Variants in SLC22A16 observed in about 807,000 individuals in gnomAD.
The protein encoded by SLC22A16 is solute carrier family 22 member 16, also known as WUGSC:RG331P03.1.
Under a neutral mutation model 52.9 loss-of-function variants are expected in SLC22A16, and 53 were observed. The ratio of observed to expected loss-of-function variants is 1.00; its 90% CI spans 0.80 to 1.26. The LOEUF is 1.26. Among genes scored for constraint, SLC22A16 ranks in the 50% most tolerant of loss-of-function variants. The pLI is 0.00. For missense variants in SLC22A16, 726 were observed against 704.0 expected, an observed-to-expected ratio of 1.03 and a Z score of -0.35; for synonymous variants, 291 against 268.8, an observed-to-expected ratio of 1.08 and a Z score of -0.81.
intron 6 of SLC22A16, among the ~76,000 whole-genome samples, chr6:110,433,029 T>C (rs558961279): frequency 1.6e-4 from 24 of 152,326 alleles, no homozygotes; most frequent in Non-Finnish European, 2.5e-4. Flanking sequence ...CCTAATCTTG[T>C]GTGAATTCCA....
intron 3 of SLC22A16, among the ~76,000 whole-genome samples, chr6:110,443,805 A>G (rs1256820852): frequency 6.6e-6 from 1 of 152,250 alleles, no homozygotes; most frequent in African/African-American, 2.4e-5. Flanking sequence ...ATGAATAGAT[A>G]AGAAAAATGT....
At chr6:110,430,692 G>A (rs1774461151) in intron 7 of SLC22A16, among the ~76,000 whole-genome samples, 1 of 152,222 alleles carries the variant, frequency 6.6e-6, no homozygotes, top group African/African-American at 2.4e-5. Context: ...TCACACTGCT[G>A]GAGCCCCTCA....
intron 1 of SLC22A16, among the ~76,000 whole-genome samples, chr6:110,462,105 C>A (rs952856051): frequency 5.9e-5 from 9 of 152,158 alleles, no homozygotes; most frequent in African/African-American, 2.2e-4. Flanking sequence ...TCTTGTGAGA[C>A]CCTTTTACTG....
chr6:110,426,748 C>T (rs1352876650), intron 7 of SLC22A16, among the ~76,000 whole-genome samples: 1 of 152,078 alleles, frequency 6.6e-6, no homozygotes, highest in African/African-American at 2.4e-5. Context: ...GTCAGGAGTT[C>T]GAGACCAGCC....
chr6:110,473,491 C>CTTTTTTTT (rs763478181), intron 1 of SLC22A16, among the ~76,000 whole-genome samples: 1 of 71,972 alleles, frequency 1.4e-5, no homozygotes, highest in Non-Finnish European at 2.7e-5. Flanking sequence ...CCTGTTTTCC[C>CTTTTTTTT]TTTTTTTTTT....
intron 1 of SLC22A16, among the ~76,000 whole-genome samples, chr6:110,457,879 A>G (rs1167151579): frequency 6.6e-6 from 1 of 152,148 alleles, no homozygotes; most frequent in African/African-American, 2.4e-5. Flanking sequence ...TTAGCAGACC[A>G]GGAAAGGGAG....
intron 4 of SLC22A16, 128 bp from the exon 5 acceptor site, chr6:110,438,975 T>G (rs1272670073): frequency 3.4e-6 from 4 of 1,188,724 alleles, no homozygotes; most frequent in Non-Finnish European, 4.6e-6. Context: ...TTAGAAACTC[T>G]CTAAGAATTG....
intron 1 of SLC22A16, among the ~76,000 whole-genome samples, chr6:110,460,698 C>G (rs1775845818): frequency 6.6e-6 from 1 of 152,310 alleles, no homozygotes; most frequent in East Asian, 1.9e-4. Flanking sequence ...TGCACCTGTT[C>G]TGAGCCACTG....
intron 1 of SLC22A16, among the ~76,000 whole-genome samples, chr6:110,473,739 A>C (rs766164296): frequency 4.5e-4 from 55 of 121,710 alleles, no homozygotes; most frequent in East Asian, 2.0e-3. Flanking sequence ...ATTAGCCAGG[A>C]TGGTCTCGAG....
At chr6:110,472,667 G>A (rs17071719) in intron 1 of SLC22A16, among the ~76,000 whole-genome samples, 17,646 of 151,932 alleles carry the variant, frequency 0.12, 1,338 homozygotes, top group East Asian at 0.28. Context: ...TTCCTTAGGC[G>A]TCTAGCATTC....
At chr6:110,446,514 C>T (rs1775177633) in intron 3 of SLC22A16, among the ~76,000 whole-genome samples, 1 of 152,140 alleles carries the variant, frequency 6.6e-6, no homozygotes, top group Non-Finnish European at 1.5e-5. Flanking sequence ...TCTTCCTGTA[C>T]ATTATACAAG....
intron 6 of SLC22A16, among the ~76,000 whole-genome samples, chr6:110,434,585 C>T (rs991695527): frequency 2.3e-5 from 3 of 127,954 alleles, no homozygotes; most frequent in Non-Finnish European, 4.6e-5. Flanking sequence ...CCTGAGGTTC[C>T]CAGATCAGTG....
At chr6:110,453,743 T>C (rs1489890713) in intron 2 of SLC22A16, 1 of 455,750 alleles carries the variant, frequency 2.2e-6, no homozygotes, top group Non-Finnish European at 4.4e-6. Flanking sequence ...GTTAATTTTA[T>C]GTTGCTATAA....
chr6:110,466,473 AACAG>A (rs1776065749), intron 1 of SLC22A16, among the ~76,000 whole-genome samples: 1 of 152,168 alleles, frequency 6.6e-6, no homozygotes, highest in African/African-American at 2.4e-5. Flanking sequence ...AAAGGACATA[AACAG>A]ACATTTTCCA....
At chr6:110,476,206 CCAGAT>C in intron 1 of SLC22A16, 3 of 23,128 alleles carry the variant, frequency 1.3e-4, no homozygotes, top group Non-Finnish European at 5.3e-4. Context: ...GCCCCTCGAG[CCAGAT>C]CTCCAGCCAG....
intron 1 of SLC22A16, 54 bp from the exon 2 acceptor site, chr6:110,457,071 C>A: frequency 6.7e-7 from 1 of 1,489,228 alleles, no homozygotes; most frequent in South Asian, 1.5e-5. Flanking sequence ...TGAAAAAGAA[C>A]ATAAGCAAAT....
intron 2 of SLC22A16, among the ~76,000 whole-genome samples, chr6:110,448,011 C>T (rs1330290101): frequency 6.6e-6 from 1 of 152,120 alleles, no homozygotes; most frequent in Non-Finnish European, 1.5e-5. Flanking sequence ...TGGGTATATA[C>T]CTAGAGTGAA....
At chr6:110,427,929 T>G (rs7771762) in intron 7 of SLC22A16, among the ~76,000 whole-genome samples, 51,656 of 152,044 alleles carry the variant, frequency 0.34, 9,071 homozygotes, top group East Asian at 0.41. Flanking sequence ...CACCAGACTG[T>G]ACATCTCTCA....
rs191413513 is a variant in SLC22A16, at chr6:110,444,498, G to T, written c.652-1723C>A. Among the ~76,000 whole-genome samples, 114 of 152,304 alleles carry T rather than the reference G, an allele frequency of 7.5e-4. 1 individual carries two copies. The highest frequency in any genetic ancestry group is 1.2e-4 in the Non-Finnish European group (8 of 68,020). On this transcript the variant is annotated intron_variant, in intron 3 of 7. Coordinates refer to ENST00000368919, the MANE Select transcript of SLC22A16 (RefSeq NM_033125.4). Reference sequence around the variant, plus strand: ...CAAAAGTTAACAGGTCTCTCTGCCAGATCCCCACTGGCCAAAGGTTGTGGG... The same window carrying T: ...CAAAAGTTAACAGGTCTCTCTGCCATATCCCCACTGGCCAAAGGTTGTGGG...
Sources: allele counts gnomAD v4.1 joint callset (sites outside exome capture counted in the v4.1 genomes callset), GRCh38; gene constraint gnomAD v4.1.1; transcripts MANE v1.5; gene names NCBI Gene and HGNC (gene_info 2026-07-23, HGNC 2026-07-21).